Variants in ZNF251 observed in about 807,000 individuals in gnomAD.
The protein encoded by ZNF251 is zinc finger protein 251.
In ZNF251, 14 loss-of-function variants were observed where a neutral mutation model predicts 13.5. The observed-to-expected ratio is 1.04, with a 90% CI of 0.69 to 1.63. ZNF251 has a LOEUF of 1.63. Among genes scored for constraint, ZNF251 ranks in the 40% most tolerant of loss-of-function variants. The probability of loss-of-function intolerance (pLI) is 0.00; values close to 1 mark genes in which losing one functional copy is unlikely to be tolerated. For synonymous variants in ZNF251, 287 were observed against 295.2 expected, an observed-to-expected ratio of 0.97 and a Z score of 0.28; for missense variants, 764 against 834.9, an observed-to-expected ratio of 0.92 and a Z score of 1.05.
chr8:144,733,335 G>C (rs1245864847), intron 4 of ZNF251, among the ~76,000 whole-genome samples: 1 of 152,266 alleles, frequency 6.6e-6, no homozygotes, highest in Non-Finnish European at 1.5e-5. Flanking sequence ...GAGGCCAAAA[G>C]TTTGAGACCT....
At chr8:144,732,622 C>T (rs192572299) in intron 4 of ZNF251, among the ~76,000 whole-genome samples, 69 of 151,346 alleles carry the variant, frequency 4.6e-4, no homozygotes, top group African/African-American at 1.5e-3. Context: ...ACCATCCTGG[C>T]CAACACGGTG....
At chr8:144,732,811 CAAAA>C (rs34248117) in intron 4 of ZNF251, among the ~76,000 whole-genome samples, 6 of 106,714 alleles carry the variant, frequency 5.6e-5, no homozygotes, top group African/African-American at 1.7e-4. Flanking sequence ...GACTCCGTCT[CAAAA>C]AAAAAAAAAA....
chr8:144,751,866 A>C (rs192070728), intron 4 of ZNF251, among the ~76,000 whole-genome samples: 2 of 152,242 alleles, frequency 1.3e-5, no homozygotes, highest in African/African-American at 4.8e-5. Flanking sequence ...ATGAAAGAAG[A>C]TATACTATGC....
chr8:144,749,018 A>T (rs1824563540), intron 4 of ZNF251, among the ~76,000 whole-genome samples: 1 of 152,106 alleles, frequency 6.6e-6, no homozygotes, highest in Non-Finnish European at 1.5e-5. Flanking sequence ...ATAAAAAAAG[A>T]GCTGGATGTG....
chr8:144,731,552 C>T (rs570970024), intron 4 of ZNF251, among the ~76,000 whole-genome samples: 7 of 151,434 alleles, frequency 4.6e-5, no homozygotes, highest in African/African-American at 1.7e-4. Flanking sequence ...TTAAAGGAAG[C>T]GTCCTGTTAG....
rs1011050503 is a variant in ZNF251 at position 144,755,378 on chromosome 8, C to T, written c.-76+27G>A. 3.9e-6 allele frequency: 5 copies of T among 1,287,412 alleles called. No individual in the cohort carries two copies. The Admixed American group carries it at 6.9e-5, about 18-fold the overall frequency. 79.7% of individuals were successfully genotyped at this position (1,287,412 alleles called of 1,614,324 possible). A position where few individuals can be genotyped will look rare whatever the true frequency, so the allele number is the denominator to read the frequency against. Reference sequence around the variant, plus strand: ...TCCCCGCCTGCCTGCCCGCTTGGCGCTCCTTCCTGGTCCGACACTGCCCCA... The same window carrying T: ...TCCCCGCCTGCCTGCCCGCTTGGCGTTCCTTCCTGGTCCGACACTGCCCCA... On this transcript the variant is annotated intron_variant, in intron 1 of 4. Coordinates refer to ENST00000292562, the MANE Select transcript of ZNF251 (RefSeq NM_138367.2).
chr8:144,748,886 T>C (rs183431877), intron 4 of ZNF251, among the ~76,000 whole-genome samples: 3 of 152,204 alleles, frequency 2.0e-5, no homozygotes, highest in East Asian at 3.9e-4. Context: ...GAAAACACAG[T>C]TGGGGCCAGG....
At chr8:144,732,547 T>C (rs1226580428) in intron 4 of ZNF251, among the ~76,000 whole-genome samples, 1 of 151,960 alleles carries the variant, frequency 6.6e-6, no homozygotes, top group Non-Finnish European at 1.5e-5. Context: ...GCGCGGTGGC[T>C]CACGCCTGTA....
chr8:144,741,474 C>T (rs1387308495), intron 4 of ZNF251, among the ~76,000 whole-genome samples: 1 of 152,148 alleles, frequency 6.6e-6, no homozygotes, highest in Admixed American at 6.5e-5. Flanking sequence ...TTAACAAACA[C>T]ATAAAGAACC....
chr8:144,754,080 A>C, intron 3 of ZNF251, 112 bp downstream of exon 3: 2 of 1,399,056 alleles, frequency 1.4e-6, no homozygotes, highest in Non-Finnish European at 1.9e-6. Context: ...TCAGACTGAT[A>C]CCCGGGGACA....
rs902257933 is a variant in ZNF251 at position 144,721,375 on chromosome 8, C to A, written c.*269G>T. ...GAGCACCAGCTGGGCTCACTTTTCA[C>A]GCCCTCCATCCATTCGTCATGAGTA... is the stretch of plus-strand genomic sequence containing the variant. On this transcript the variant is annotated 3_prime_UTR_variant, in exon 5 of 5. Transcript: ENST00000292562. The A allele has an allele frequency of 2.0e-5, 8 of 401,386 alleles. No homozygotes were observed. The highest frequency in any genetic ancestry group is 3.5e-5 in the Non-Finnish European group (8 of 230,140). The allele number at this position is 401,386 out of a possible 1,614,324, so 24.9% of individuals were successfully genotyped here. A position where few individuals can be genotyped will look rare whatever the true frequency, so the allele number is the denominator to read the frequency against.
intron 4 of ZNF251, among the ~76,000 whole-genome samples, chr8:144,752,593 C>T (rs746364320): frequency 6.6e-6 from 1 of 152,140 alleles, no homozygotes; most frequent in Non-Finnish European, 1.5e-5. Flanking sequence ...CATGTAGAAA[C>T]CAAATGCTTT....
chr8:144,735,009 G>T (rs1049313482), intron 4 of ZNF251, among the ~76,000 whole-genome samples: 1 of 152,004 alleles, frequency 6.6e-6, no homozygotes, highest in East Asian at 1.9e-4. Context: ...GGGAGGCAGA[G>T]GTTGCAGTGA....
At chr8:144,740,560 T>C (rs1230172771) in intron 4 of ZNF251, among the ~76,000 whole-genome samples, 1 of 150,530 alleles carries the variant, frequency 6.6e-6, no homozygotes, top group Non-Finnish European at 1.5e-5. Flanking sequence ...CACTTGAACC[T>C]GGGAGGCAGA....
intron 4 of ZNF251, among the ~76,000 whole-genome samples, chr8:144,740,539 G>A (rs950444513): frequency 6.6e-6 from 1 of 151,934 alleles, no homozygotes; most frequent in African/African-American, 2.4e-5. Flanking sequence ...GGGAGGCTGA[G>A]GCAGGAGAAT....
rs1255922578 is a variant in ZNF251, at chr8:144,755,392, G to A, written c.-76+13C>T. 19 of 1,288,022 alleles carry A rather than the reference G, an allele frequency of 1.5e-5. No homozygotes were observed. The highest frequency in any genetic ancestry group is 1.8e-5 in the Non-Finnish European group (18 of 988,754). 79.8% of individuals were successfully genotyped at this position (1,288,022 alleles called of 1,614,324 possible). Reference sequence around the variant, plus strand: ...CCCGCTTGGCGCTCCTTCCTGGTCCGACACTGCCCCACCTGTTTGCTCGAC... The same window carrying A: ...CCCGCTTGGCGCTCCTTCCTGGTCCAACACTGCCCCACCTGTTTGCTCGAC... On this transcript the variant is annotated intron_variant, in intron 1 of 4. Coordinates refer to ENST00000292562, the MANE Select transcript of ZNF251 (RefSeq NM_138367.2).
At chr8:144,739,036 C>A (rs534433161) in intron 4 of ZNF251, among the ~76,000 whole-genome samples, 2 of 152,192 alleles carry the variant, frequency 1.3e-5, no homozygotes, top group East Asian at 3.9e-4. Flanking sequence ...ACCATTCATC[C>A]ACCTGGACAG....
chr8:144,742,056 G>T (rs1432476155), intron 4 of ZNF251, among the ~76,000 whole-genome samples: 1 of 152,116 alleles, frequency 6.6e-6, no homozygotes, highest in Admixed American at 6.6e-5. Context: ...GAGTCCACCT[G>T]CTGGGAACCG....
chr8:144,751,286 G>A (rs773027108), intron 4 of ZNF251, among the ~76,000 whole-genome samples: 1 of 152,150 alleles, frequency 6.6e-6, no homozygotes, highest in Non-Finnish European at 1.5e-5. Flanking sequence ...GTCCTTACAT[G>A]TCAGAAACAG....
Sources: allele counts gnomAD v4.1 joint callset (sites outside exome capture counted in the v4.1 genomes callset), GRCh38; gene constraint gnomAD v4.1.1; transcripts MANE v1.5; gene names NCBI Gene and HGNC (gene_info 2026-07-23, HGNC 2026-07-21).